Variants in RALB observed in about 807,000 individuals in gnomAD.
The protein encoded by RALB is RAS like proto-oncogene B.
RALB carries 16 observed loss-of-function variants against 21.3 expected under a neutral mutation model. The ratio of observed to expected loss-of-function variants is 0.75; its 90% CI spans 0.51 to 1.14. The LOEUF (loss-of-function observed/expected upper bound fraction) is 1.14. RALB is among the 50% of genes most tolerant of loss of function. RALB has a pLI of 0.00. For synonymous variants in RALB, 93 were observed against 96.1 expected (o/e 0.97, Z 0.19); for missense variants, 161 against 256.2 (o/e 0.63, Z 2.54).
At chr2:120,254,745 A>G (rs775407466) in intron 1 of RALB, among the ~76,000 whole-genome samples, 2 of 152,058 alleles carry the variant, frequency 1.3e-5, no homozygotes, top group Non-Finnish European at 2.9e-5. Flanking sequence ...TGGTGTGATC[A>G]CCGCTCACTG....
intron 1 of RALB, among the ~76,000 whole-genome samples, chr2:120,274,416 G>T (rs530824083): frequency 3.4e-4 from 51 of 152,154 alleles, no homozygotes; most frequent in African/African-American, 7.2e-4. Flanking sequence ...TCAAGAGTAG[G>T]GGGGAGAAGA....
At chr2:120,279,018 A>G (rs932300630) in intron 2 of RALB, among the ~76,000 whole-genome samples, 2 of 152,138 alleles carry the variant, frequency 1.3e-5, no homozygotes, top group Non-Finnish European at 2.9e-5. Context: ...CATCGTTTCC[A>G]TTGTTATACT....
At position 120,293,171 on chromosome 2, in the gene RALB, A is replaced by G. The variant is rs1341945275; in HGVS notation, c.532A>G (p.Thr178Ala). Residue 178 changes from threonine to alanine, a missense_variant, in exon 5 of 5, where the codon ACA (threonine) becomes GCA (alanine). By Grantham distance (58) the Thr-to-Ala change is moderately conservative (BLOSUM62 0). Transcript: ENST00000272519. ...CTTTGACCTAATGAGAGAAATCAGAACAAAGAAGATGTCAGAAAACAAAGA... is the reference window on the plus strand; with the variant it reads ...CTTTGACCTAATGAGAGAAATCAGAGCAAAGAAGATGTCAGAAAACAAAGA... ...VFFDLMREIR[T>A]KKMSENKDKN... 6.2e-7 allele frequency: 1 copy of G among 1,613,498 alleles called. No homozygotes were observed. Among genetic ancestry groups the G allele is most frequent in the African/African-American group, 1.3e-5 (1 of 74,898 alleles).
intron 1 of RALB, among the ~76,000 whole-genome samples, chr2:120,264,343 G>T (rs1335428972): frequency 6.6e-6 from 1 of 151,832 alleles, no homozygotes. Context: ...GTAGAGACGG[G>T]GTTTCACCAT....
chr2:120,240,934 C>A (rs548456830), intron 1 of RALB, among the ~76,000 whole-genome samples: 3 of 152,098 alleles, frequency 2.0e-5, no homozygotes, highest in East Asian at 1.9e-4. Flanking sequence ...TTTGGGGGAC[C>A]GGAGGCCTAC....
chr2:120,273,613 A>G (rs572987816), intron 1 of RALB, among the ~76,000 whole-genome samples: 1 of 152,352 alleles, frequency 6.6e-6, no homozygotes, highest in African/African-American at 2.4e-5. Context: ...GGGAGGGACT[A>G]TTATTATCCT....
At chr2:120,257,128 A>G (rs552090203) in intron 1 of RALB, among the ~76,000 whole-genome samples, 1 of 152,326 alleles carries the variant, frequency 6.6e-6, no homozygotes, top group East Asian at 1.9e-4. Context: ...CTTTAACCCC[A>G]AAACAAGTTG....
In RALB at chr2:120,293,360, C is replaced by T. The variant is rs1573363458; in HGVS notation, c.*100C>T. 1.6e-5 allele frequency: 20 copies of T among 1,265,044 alleles called. No individual in the cohort carries two copies. The South Asian group carries it at 3.8e-4, about 24-fold the overall frequency. The allele number at this position is 1,265,044 out of a possible 1,614,324, so 78.4% of individuals were successfully genotyped here. A position where few individuals can be genotyped will look rare whatever the true frequency, so the allele number is the denominator to read the frequency against. On this transcript the variant is annotated 3_prime_UTR_variant, in exon 5 of 5. Coordinates refer to ENST00000272519, the MANE Select transcript of RALB (RefSeq NM_002881.3). ...ACTTCTTGCTTGTGCTTCCCACTCT[C>T]CCCGACTTCATTCACTCAAACTTCT...
intron 1 of RALB, among the ~76,000 whole-genome samples, chr2:120,277,773 G>T (rs1047311432): frequency 6.6e-6 from 1 of 151,846 alleles, no homozygotes; most frequent in Non-Finnish European, 1.5e-5. Context: ...GACAGCGTGT[G>T]CTAGCATGTG....
intron 1 of RALB, 80 bp downstream of exon 1, chr2:120,253,060 C>T (rs1689097055): frequency 1.1e-6 from 1 of 882,822 alleles, no homozygotes; most frequent in African/African-American, 1.8e-5. Flanking sequence ...CCCGCAGCCT[C>T]TTGCTCCCTC....
chr2:120,274,316 C>G (rs1246442669), intron 1 of RALB, among the ~76,000 whole-genome samples: 1 of 151,430 alleles, frequency 6.6e-6, no homozygotes, highest in Non-Finnish European at 1.5e-5. Flanking sequence ...GCTTACTTAT[C>G]TAGTTACTTG....
Position 120,253,427 on chromosome 2 carries a change from A to G in RALB, c.-48+447A>G, listed in dbSNP as rs1008114357. On this transcript the variant is annotated intron_variant, in intron 1 of 4. Coordinates refer to ENST00000272519, the MANE Select transcript of RALB (RefSeq NM_002881.3). ...GCGCCGTGAACTGGGCGGTGTTCCT[A>G]AAGGGCTTCGGTTTGCTGGTTTTGT... is the stretch of plus-strand genomic sequence containing the variant. 27 of 985,472 alleles carry G rather than the reference A, an allele frequency of 2.7e-5. 1 individual carries two copies. The highest frequency in any genetic ancestry group is 1.9e-4 in the South Asian group (4 of 21,296). The allele number at this position is 985,472 out of a possible 1,614,324, so 61.0% of individuals were successfully genotyped here.
Position 120,293,441 on chromosome 2 carries a change from C to T in RALB, c.*181C>T. ...GGCTGGCAGAAGAAATAAGCCCATGCAAGTGGAAGGGCTGCTTTGTCAGGA... is the reference window on the plus strand; with the variant it reads ...GGCTGGCAGAAGAAATAAGCCCATGTAAGTGGAAGGGCTGCTTTGTCAGGA... On this transcript the variant is annotated 3_prime_UTR_variant, in exon 5 of 5. Coordinates refer to ENST00000272519, the MANE Select transcript of RALB (RefSeq NM_002881.3). 1 of 496,900 alleles carries T rather than the reference C, an allele frequency of 2.0e-6. No homozygotes were observed. Among genetic ancestry groups the T allele is most frequent in the Non-Finnish European group, 3.2e-6 (1 of 317,106 alleles). 30.8% of individuals were successfully genotyped at this position (496,900 alleles called of 1,614,324 possible).
chr2:120,257,348 A>C (rs1439628371), intron 1 of RALB, among the ~76,000 whole-genome samples: 1 of 152,218 alleles, frequency 6.6e-6, no homozygotes, highest in Non-Finnish European at 1.5e-5. Context: ...AGACCCTCAT[A>C]CATTTTAATT....
In RALB at chr2:120,294,153, C is replaced by T. The variant is rs761650234; in HGVS notation, c.*893C>T. 1.3e-4 allele frequency: 52 copies of T among 398,608 alleles called. No homozygotes were observed. The highest frequency in any genetic ancestry group is 1.8e-4 in the Non-Finnish European group (41 of 226,074). The allele number at this position is 398,608 out of a possible 1,614,324, so 24.7% of individuals were successfully genotyped here. A position where few individuals can be genotyped will look rare whatever the true frequency, so the allele number is the denominator to read the frequency against. ...TCTGTCTGATCAGCATCACTGCACA[C>T]GGAGGTCTAGTGAGCCTCTTGCTAA... On this transcript the variant is annotated 3_prime_UTR_variant, in exon 5 of 5. Transcript: ENST00000272519.
chr2:120,248,252 G>T (rs1035495883), upstream of RALB, among the ~76,000 whole-genome samples: 1 of 152,172 alleles, frequency 6.6e-6, no homozygotes, highest in Non-Finnish European at 1.5e-5. Context: ...GCCCACAGAA[G>T]CTTGCCGGGC....
intron 1 of RALB, chr2:120,240,268 C>A: frequency 1.7e-6 from 1 of 590,664 alleles, no homozygotes; most frequent in East Asian, 9.6e-5. Flanking sequence ...ACTCATGGAG[C>A]TGCTACTTTT....
chr2:120,271,753 C>T (rs1486885831), intron 1 of RALB, among the ~76,000 whole-genome samples: 2 of 152,204 alleles, frequency 1.3e-5, no homozygotes, highest in African/African-American at 2.4e-5. Context: ...TGGAGCCTCC[C>T]TGATTCCCTT....
intron 1 of RALB, 76 bp from the exon 2 acceptor site, chr2:120,278,542 G>C: frequency 7.8e-7 from 1 of 1,283,014 alleles, no homozygotes; most frequent in Non-Finnish European, 1.0e-6. Context: ...GGCTTTAATG[G>C]AGGATGTGAA....
Sources: allele counts gnomAD v4.1 joint callset (sites outside exome capture counted in the v4.1 genomes callset), GRCh38; gene constraint gnomAD v4.1.1; transcripts MANE v1.5; gene names NCBI Gene and HGNC (gene_info 2026-07-23, HGNC 2026-07-21).